ATL1: variants seen among roughly 807,000 people sequenced by gnomAD.
The protein encoded by ATL1 is atlastin GTPase 1, also known as atlastin-1.
In ATL1, 31 loss-of-function variants were observed where a neutral mutation model predicts 75.5. That is an observed-to-expected ratio of 0.41 (90% confidence interval 0.31 to 0.55). ATL1 has a LOEUF of 0.55. Among genes scored for constraint, ATL1 ranks in the 20% least tolerant of loss-of-function variants. The probability of loss-of-function intolerance (pLI) is 0.27; values close to 1 mark genes in which losing one functional copy is unlikely to be tolerated. For synonymous variants in ATL1, 226 were observed against 233.3 expected, an observed-to-expected ratio of 0.97 and a Z score of 0.28; for missense variants, 405 against 662.6, an observed-to-expected ratio of 0.61 and a Z score of 4.27.
chr14:50,599,884 G>C (rs1036922443), intron 6 of ATL1, among the ~76,000 whole-genome samples: 1 of 152,086 alleles, frequency 6.6e-6, no homozygotes, highest in Non-Finnish European at 1.5e-5. Context: ...ATTCTCCTGA[G>C]GGCTCAGGAA....
At chr14:50,554,686 A>G (rs2038743842) in intron 1 of ATL1, among the ~76,000 whole-genome samples, 1 of 152,216 alleles carries the variant, frequency 6.6e-6, no homozygotes, top group African/African-American at 2.4e-5. Flanking sequence ...CACAGTAGGC[A>G]AAGAAGTTAC....
rs923116872 is a variant in ATL1 at position 50,628,285 on chromosome 14, A to G, written c.1374A>G (p.Thr458=). 1 of 1,614,154 alleles carries G rather than the reference A, an allele frequency of 6.2e-7. No individual in the cohort carries two copies. The highest frequency in any genetic ancestry group is 2.2e-5 in the East Asian group (1 of 44,882). ...PATLFVVIFI[T]YVIAGVTGFI... ...CACTGTTTGTAGTCATCTTTATCAC[A>G]TATGTGATTGCTGGTGTGACTGGAT... The change falls in exon 12 of 14, where the codon ACA becomes ACG. Residue 458 remains threonine, a synonymous_variant. Coordinates refer to ENST00000358385, the MANE Select transcript of ATL1 (RefSeq NM_015915.5).
intron 11 of ATL1, 101 bp downstream of exon 11, chr14:50,623,349 T>G (rs558447313): frequency 1.1e-6 from 1 of 919,644 alleles, no homozygotes; most frequent in Admixed American, 2.0e-5. Flanking sequence ...ACACATGCAA[T>G]GAGGTGGCTT....
intron 13 of ATL1, chr14:50,631,147 C>A: frequency 4.5e-6 from 1 of 224,206 alleles, no homozygotes; most frequent in South Asian, 5.4e-5. Flanking sequence ...GTAGTCCCAG[C>A]CACTGGGGAG....
At chr14:50,590,083 G>A (rs1333513723) in intron 2 of ATL1, among the ~76,000 whole-genome samples, 10 of 152,068 alleles carry the variant, frequency 6.6e-5, no homozygotes, top group African/African-American at 2.4e-5. Flanking sequence ...TTCCTATTCT[G>A]TCTTCCTTTG....
At chr14:50,561,600 T>TAA (rs2038846378) in intron 1 of ATL1, among the ~76,000 whole-genome samples, 1 of 152,160 alleles carries the variant, frequency 6.6e-6, no homozygotes, top group Non-Finnish European at 1.5e-5. Flanking sequence ...TTGCCTCTGA[T>TAA]TGTTCTAATG....
chr14:50,539,748 A>G (rs888319304), intron 1 of ATL1, among the ~76,000 whole-genome samples: 1 of 152,230 alleles, frequency 6.6e-6, no homozygotes, highest in Non-Finnish European at 1.5e-5. Flanking sequence ...GATCTTGCTA[A>G]ATACTTACCT....
intron 13 of ATL1, among the ~76,000 whole-genome samples, chr14:50,631,368 T>C (rs779559564): frequency 1.3e-5 from 2 of 152,078 alleles, no homozygotes; most frequent in Non-Finnish European, 2.9e-5. Flanking sequence ...CAGATTACTA[T>C]TTAAAGGATC....
intron 1 of ATL1, among the ~76,000 whole-genome samples, chr14:50,562,189 C>T (rs1050822012): frequency 4.6e-5 from 7 of 152,054 alleles, no homozygotes; most frequent in African/African-American, 7.2e-5. Context: ...GGACTACAGG[C>T]GCCTGCCACC....
At chr14:50,558,301 G>A (rs1342822909), upstream of ATL1, among the ~76,000 whole-genome samples, 1 of 152,256 alleles carries the variant, frequency 6.6e-6, no homozygotes, top group East Asian at 1.9e-4. Context: ...GGAGGTTGTA[G>A]TGAGCTGAGA....
intron 2 of ATL1, among the ~76,000 whole-genome samples, chr14:50,589,294 G>T (rs767582958): frequency 2.2e-4 from 33 of 151,810 alleles, no homozygotes; most frequent in Admixed American, 4.6e-4. Context: ...AAGTAGCTGG[G>T]ATTACAAGCA....
At chr14:50,602,689 G>A (rs2039282061) in intron 6 of ATL1, among the ~76,000 whole-genome samples, 1 of 152,032 alleles carries the variant, frequency 6.6e-6, no homozygotes, top group East Asian at 1.9e-4. Flanking sequence ...GTTCCTTTAA[G>A]GCAGAGTCCT....
chr14:50,566,561 A>G (rs774709784), intron 1 of ATL1, among the ~76,000 whole-genome samples: 4 of 152,142 alleles, frequency 2.6e-5, no homozygotes, highest in African/African-American at 9.7e-5. Flanking sequence ...TGTAGTTTCA[A>G]TCTGCATTTT....
Position 50,624,936 on chromosome 14 carries a change from G to A in ATL1, c.1119+1688G>A, listed in dbSNP as rs140850181. Among the ~76,000 whole-genome samples the A allele has an allele frequency of 5.9e-3, 884 of 150,072 alleles. 4 individuals carry two copies. The highest frequency in any genetic ancestry group is 0.02 in the African/African-American group (846 of 41,362). Reference sequence around the variant, plus strand: ...AATACAAAAATCAGCCAGGCATGGTGGCACATGCCCATAGTCCCAGTTACT... The same window carrying A: ...AATACAAAAATCAGCCAGGCATGGTAGCACATGCCCATAGTCCCAGTTACT... On this transcript the variant is annotated intron_variant, in intron 11 of 13. Coordinates refer to ENST00000358385, the MANE Select transcript of ATL1 (RefSeq NM_015915.5).
In ATL1 at chr14:50,598,714, A is replaced by G. The variant is rs185378096; in HGVS notation, c.630+3082A>G. 3.9e-5 allele frequency among the ~76,000 whole-genome samples: 6 copies of G among 152,312 alleles called. No individual in the cohort carries two copies. The East Asian group carries it at 1.2e-3, about 29-fold the overall frequency. ...TGAATTAGAGGGCTCAATACACACT[A>G]AAAAGCCATAGCAATGAAAATGGTG... On this transcript the variant is annotated intron_variant, in intron 6 of 13. Transcript: ENST00000358385.
intron 6 of ATL1, 57 bp downstream of exon 6, chr14:50,595,689 C>G: frequency 6.7e-7 from 1 of 1,482,386 alleles, no homozygotes; most frequent in Non-Finnish European, 9.4e-7. Context: ...AGACTGTAAC[C>G]AGGTATATTA....
chr14:50,626,201 TAATAAGAA>T (rs2039519040), intron 11 of ATL1, among the ~76,000 whole-genome samples: 1 of 152,226 alleles, frequency 6.6e-6, no homozygotes. Flanking sequence ...TTTCAAAAGT[TAATAAGAA>T]ATACATTTTG....
At chr14:50,571,370 T>C (rs932574068) in intron 1 of ATL1, among the ~76,000 whole-genome samples, 4 of 152,170 alleles carry the variant, frequency 2.6e-5, no homozygotes, top group African/African-American at 7.2e-5. Context: ...AGAGCTAAAA[T>C]TGACTGAAAT....
At chr14:50,593,733 C>T (rs530142200) in intron 4 of ATL1, 113 bp from the exon 5 acceptor site, 44 of 696,186 alleles carry the variant, frequency 6.3e-5, no homozygotes, top group Middle Eastern at 3.6e-4. Flanking sequence ...TAAGCATGTA[C>T]ATAAGAGAGT....
Sources: gnomAD v4.1 joint callset for allele counts (sites outside exome capture counted in the v4.1 genomes callset) on GRCh38, gnomAD v4.1.1 for gene constraint, MANE v1.5 for transcripts, NCBI Gene and HGNC (gene_info 2026-07-23, HGNC 2026-07-21) for gene names.